The following COL5A3 variants were observed in gnomAD, a reference collection of about 807,000 sequenced individuals.
COL5A3 encodes collagen alpha-3(V) chain.
A neutral mutation model predicts 250.0 loss-of-function variants in COL5A3; 172 were observed. The ratio of observed to expected loss-of-function variants is 0.69; its 90% CI spans 0.61 to 0.78. The LOEUF (loss-of-function observed/expected upper bound fraction) is 0.78, where lower values mean the gene tolerates loss of function less well. Among genes scored for constraint, COL5A3 ranks in the 30% least tolerant of loss-of-function variants. The pLI, the probability that COL5A3 is intolerant of heterozygous loss-of-function variation, is 0.00. For missense variants in COL5A3, 2,340 were observed against 2,334.4 expected, an observed-to-expected ratio of 1.00 and a Z score of -0.05; for synonymous variants, 937 against 900.4, an observed-to-expected ratio of 1.04 and a Z score of -0.73.
rs1394240199 is a variant in COL5A3 at position 9,974,152 on chromosome 19, T to A, written c.3504+19A>T. ...ACCCCACCATCCTCCCCCTCCCACCTTCCTCTGGGAGTGCATACCATGGAC... is the reference window on the plus strand; with the variant it reads ...ACCCCACCATCCTCCCCCTCCCACCATCCTCTGGGAGTGCATACCATGGAC... On this transcript the variant is annotated intron_variant, in intron 47 of 66. Transcript: ENST00000264828. 3 of 1,609,776 alleles carry A rather than the reference T, an allele frequency of 1.9e-6. No individual in the cohort carries two copies. The African/African-American group carries it at 4.0e-5, about 22-fold the overall frequency.
intron 31 of COL5A3, among the ~76,000 whole-genome samples, chr19:9,983,555 A>G (rs1338686710): frequency 2.5e-5 from 2 of 80,014 alleles, no homozygotes; most frequent in Middle Eastern, 5.2e-3. Context: ...AAAGAAAGAA[A>G]GAAAGAAAGA....
intron 16 of COL5A3, 90 bp from the exon 17 acceptor site, chr19:9,993,896 G>A (rs1279092894): frequency 4.1e-6 from 5 of 1,227,684 alleles, no homozygotes; most frequent in African/African-American, 1.5e-5. Flanking sequence ...TCAACATCAA[G>A]ATTTTTTTTT....
At chr19:9,997,703 G>T (rs2087293057) in intron 10 of COL5A3, among the ~76,000 whole-genome samples, 1 of 152,132 alleles carries the variant, frequency 6.6e-6, no homozygotes, top group Admixed American at 6.6e-5. Flanking sequence ...CTAGGCTCAA[G>T]CAATCCTCCC....
In COL5A3 at chr19:9,973,805, G is replaced by A. The variant is rs760912013; in HGVS notation, c.3563C>T (p.Thr1188Ile). The change falls in exon 49 of 67, where the codon ACT (threonine) becomes ATT (isoleucine). Residue 1188 changes from threonine (T) to isoleucine (I), a missense_variant. Around this residue, in one of 3 missense-constraint regions of COL5A3, gnomAD observed 1,179 missense variants for 1,162.6 expected, o/e 1.01. Coordinates refer to ENST00000264828, the MANE Select transcript of COL5A3 (RefSeq NM_015719.4). ...ACCAACTCCTCCAGGCAGCCCTGGAGTGCCCTGGAGAGACAGCAAGGGGTA... is the reference window on the plus strand; with the variant it reads ...ACCAACTCCTCCAGGCAGCCCTGGAATGCCCTGGAGAGACAGCAAGGGGTA... ...GPQGPTGSEG[T>I]PGLPGGVGQP... 1 of 1,614,046 alleles carries A rather than the reference G, an allele frequency of 6.2e-7. No homozygotes were observed. The highest frequency in any genetic ancestry group is 1.7e-5 in the Admixed American group (1 of 60,022).
In COL5A3 at chr19:9,977,687, C is replaced by T. The variant is rs765165742; in HGVS notation, c.3033G>A (p.Glu1011=). 1.8e-5 allele frequency: 28 copies of T among 1,597,364 alleles called. No individual in the cohort carries two copies. The Admixed American group carries it at 2.3e-4, about 13-fold the overall frequency. The change falls in exon 42 of 67, where the codon GAG becomes GAA. Residue 1011 remains glutamate (E), a synonymous_variant. Coordinates refer to ENST00000264828, the MANE Select transcript of COL5A3 (RefSeq NM_015719.4). Reference sequence around the variant, plus strand: ...CTCCTGCTGGGCCCAAAGGACCGCGCTCACCAGGGGAGCCCTGAGAACAGG... The same window carrying T: ...CTCCTGCTGGGCCCAAAGGACCGCGTTCACCAGGGGAGCCCTGAGAACAGG... ...GPVGANGSPG[E]RGPLGPAGGI...
chr19:9,961,549 A>G (rs2086672079), intron 65 of COL5A3, among the ~76,000 whole-genome samples: 1 of 142,310 alleles, frequency 7.0e-6, no homozygotes, highest in Non-Finnish European at 1.5e-5. Context: ...TTTTTTTTTA[A>G]CTTCATTTAA....
intron 4 of COL5A3, among the ~76,000 whole-genome samples, chr19:10,005,255 G>A (rs2087424907): frequency 6.6e-6 from 1 of 151,936 alleles, no homozygotes; most frequent in Non-Finnish European, 1.5e-5. Context: ...TACTTGGGAG[G>A]CTGAGAATCG....
chr19:10,004,031 C>T lies in COL5A3; in HGVS notation c.699+10G>A, dbSNP rs368787683. ...TCCTGAGATTAGGAGTCATGGAGTC[C>T]CTCACTCACCACTGTGGCTGCCGGT... On this transcript the variant is annotated intron_variant, in intron 5 of 66. Coordinates refer to ENST00000264828, the MANE Select transcript of COL5A3 (RefSeq NM_015719.4). 2.5e-6 allele frequency: 4 copies of T among 1,600,814 alleles called. No homozygotes were observed. The highest frequency in any genetic ancestry group is 2.7e-5 in the African/African-American group (2 of 74,636).
intron 31 of COL5A3, among the ~76,000 whole-genome samples, 199 bp downstream of exon 31, chr19:9,985,643 C>T (rs570230665): frequency 6.6e-6 from 1 of 152,094 alleles, no homozygotes; most frequent in Non-Finnish European, 1.5e-5. Context: ...TGGGCTCAAG[C>T]AATCCTCTCA....
In COL5A3 at chr19:9,969,526, A is replaced by C. The variant is rs371142775; in HGVS notation, c.4098+49T>G. 3 of 1,600,312 alleles carry C rather than the reference A, an allele frequency of 1.9e-6. No homozygotes were observed. In the African/African-American group the frequency reaches 4.0e-5, roughly 21 times the overall value. The stretch of plus-strand genomic sequence containing the variant: ...ATGGGATCACAAGCTGGGAGCAGAC[A>C]GAGAGGAGCTGGATCCACCCTGTCC... On this transcript the variant is annotated intron_variant, in intron 56 of 66. Coordinates refer to ENST00000264828, the MANE Select transcript of COL5A3 (RefSeq NM_015719.4).
chr19:10,007,904 T>C (rs2087465625), intron 1 of COL5A3, among the ~76,000 whole-genome samples: 1 of 151,406 alleles, frequency 6.6e-6, no homozygotes, highest in Non-Finnish European at 1.5e-5. Flanking sequence ...GGCCTCCATC[T>C]GTGTCCAAGT....
At position 9,965,023 on chromosome 19, in the gene COL5A3, T is replaced by G. The variant is rs1186776569; in HGVS notation, c.4782+1291A>C. Among the ~76,000 whole-genome samples, 3 of 152,022 alleles carry G rather than the reference T, an allele frequency of 2.0e-5. No homozygotes were observed. The East Asian group carries it at 5.8e-4, about 29-fold the overall frequency. On this transcript the variant is annotated intron_variant, in intron 64 of 66. Coordinates refer to ENST00000264828, the MANE Select transcript of COL5A3 (RefSeq NM_015719.4). ...GAGATCACGCCACTGCATTCCAGGC[T>G]GGGAGACAGAGACAGACTCTGTCTC...
rs937580773 is a variant in COL5A3 at position 9,966,477 on chromosome 19, C to T, written c.4670-51G>A. 41 of 1,563,628 alleles carry T rather than the reference C, an allele frequency of 2.6e-5. 1 individual carries two copies. In the South Asian group the frequency reaches 3.8e-4, roughly 14 times the overall value. On this transcript the variant is annotated intron_variant, in intron 63 of 66. Transcript: ENST00000264828. ...TGAGTCCGGATGGGACCCGACGGAC[C>T]CCAACCCCCCCCACACCCCCACTCC...
intron 61 of COL5A3, 197 bp from the exon 62 acceptor site, chr19:9,967,597 A>G: frequency 1.7e-6 from 1 of 579,284 alleles, no homozygotes; most frequent in Non-Finnish European, 3.0e-6. Context: ...AGCATTAGGC[A>G]TCAGACACAA....
rs995342983 is a variant in COL5A3, at chr19:9,991,844, G to A, written c.1894-3C>T. 2 of 1,608,920 alleles carry A rather than the reference G, an allele frequency of 1.2e-6. No homozygotes were observed. The highest frequency in any genetic ancestry group is 1.7e-5 in the Admixed American group (1 of 59,384). On this transcript the variant is annotated splice_region_variant and splice_polypyrimidine_tract_variant and intron_variant, in intron 22 of 66. Coordinates refer to ENST00000264828, the MANE Select transcript of COL5A3 (RefSeq NM_015719.4). The stretch of plus-strand genomic sequence containing the variant: ...GGGCCTGGTTCTCCTGGAGGACCCT[G>A]GGGAGAAAGTGGGGTTTCAGTGAAG...
At chr19:9,994,550 T>C (rs1447440036) in intron 16 of COL5A3, among the ~76,000 whole-genome samples, 1 of 129,338 alleles carries the variant, frequency 7.7e-6, no homozygotes, top group Non-Finnish European at 1.6e-5. Context: ...GAGTTACATA[T>C]ATGTTTTACA....
At position 9,995,517 on chromosome 19, in the gene COL5A3, G is replaced by T. The variant is rs199882351; in HGVS notation, c.1587+47C>A. 4.2e-4 allele frequency: 656 copies of T among 1,549,358 alleles called. 1 individual carries two copies. The highest frequency in any genetic ancestry group is 4.5e-4 in the Non-Finnish European group (515 of 1,141,360). On this transcript the variant is annotated intron_variant, in intron 16 of 66. Coordinates refer to ENST00000264828, the MANE Select transcript of COL5A3 (RefSeq NM_015719.4). ...CACAAAGCCAAGGCTCATGTTGGGTGTTGAGGGATGGATAAGGGGTGGTCT... is the reference window on the plus strand; with the variant it reads ...CACAAAGCCAAGGCTCATGTTGGGTTTTGAGGGATGGATAAGGGGTGGTCT...
Position 9,971,229 on chromosome 19 carries a change from C to T in COL5A3, c.3804G>A (p.Gly1268=). Residue 1268 remains glycine (G), a synonymous_variant, in exon 52 of 67, where the codon GGG becomes GGA. Transcript: ENST00000264828. The stretch of plus-strand genomic sequence containing the variant: ...CTGAAACTCCAGGGTCTCCTGGGGG[C>T]CCTAGATCTCCGGGCAGCCCCGTGG... The part of the protein sequence containing the change: ...VGPTGLPGDL[G]PPGDPGVSGI... The T allele has an allele frequency of 6.4e-7, 1 of 1,563,196 alleles. No individual in the cohort carries two copies. The highest frequency in any genetic ancestry group is 2.4e-5 in the East Asian group (1 of 41,930).
chr19:9,980,794 C>A lies in COL5A3; in HGVS notation c.2559+12G>T, dbSNP rs1430821981. The A allele has an allele frequency of 1.9e-6, 3 of 1,613,120 alleles. No individual in the cohort carries two copies. Among genetic ancestry groups the A allele is most frequent in the Non-Finnish European group, 2.5e-6 (3 of 1,179,610 alleles). On this transcript the variant is annotated intron_variant, in intron 34 of 66. Coordinates refer to ENST00000264828, the MANE Select transcript of COL5A3 (RefSeq NM_015719.4). ...GGGCATGGGGGGCCTTGATTGCCCA[C>A]CCATCCCATACCTTGGGGCCTGGTT... is the stretch of plus-strand genomic sequence containing the variant.
Sources: allele counts gnomAD v4.1 joint callset (sites outside exome capture counted in the v4.1 genomes callset), GRCh38; gene constraint gnomAD v4.1.1; regional missense constraint gnomAD v4.1.1; transcripts MANE v1.5; gene names NCBI Gene and HGNC (gene_info 2026-07-23, HGNC 2026-07-21).